Variants in STOX2 observed in about 807,000 individuals in gnomAD.
The protein encoded by STOX2 is storkhead box 2.
A neutral mutation model predicts 60.9 loss-of-function variants in STOX2; 28 were observed. That is an observed-to-expected ratio of 0.46 (90% CI 0.34 to 0.63). STOX2 has a LOEUF of 0.63. Ranked by LOEUF, STOX2 falls within the 30% of genes least tolerant of loss-of-function variation. The pLI is 0.01. For synonymous variants in STOX2, 472 were observed against 463.9 expected, an observed-to-expected ratio of 1.02 and a Z score of -0.22; for missense variants, 1,024 against 1,187.7, an observed-to-expected ratio of 0.86 and a Z score of 2.03.
Position 184,012,890 on chromosome 4 carries a change from T to C in STOX2, c.2585+1467T>C, listed in dbSNP as rs1038951894. 1.2e-4 allele frequency among the ~76,000 whole-genome samples: 18 copies of C among 152,248 alleles called. 1 individual carries two copies. In the East Asian group the frequency reaches 1.5e-3, roughly 13 times the overall value. ...GATTTATTTTAACTATCCTTTTTTT[T>C]CTTCATTTTCCTGTTCTACTCTTTT... On this transcript the variant is annotated intron_variant, in intron 3 of 3. Coordinates refer to ENST00000308497, the MANE Select transcript of STOX2 (RefSeq NM_020225.3).
At position 184,009,048 on chromosome 4, in the gene STOX2, A is replaced by AG; in HGVS notation, c.320-109dup. The AG allele has an allele frequency of 1.2e-6, 1 of 841,170 alleles. No homozygotes were observed. The highest frequency in any genetic ancestry group is 1.8e-6 in the Non-Finnish European group (1 of 547,064). The allele number at this position is 841,170 out of a possible 1,614,324, so 52.1% of individuals were successfully genotyped here. On this transcript the variant is annotated intron_variant, in intron 2 of 3. Transcript: ENST00000308497. This position sits in a 1 kb window ranked among gnomAD's most constrained non-coding sequence, Gnocchi z 4.0. ...CACCTTTGTCTGAATTGTGCATCCT[A>AG]GCTCTGTGATGGTACTTCGCATCTT...
chr4:183,860,701 A>G (rs554972961), intron 1 of STOX2, among the ~76,000 whole-genome samples: 1 of 152,346 alleles, frequency 6.6e-6, no homozygotes, highest in East Asian at 1.9e-4. Flanking sequence ...CTTCAAAGGT[A>G]AGACAAAAGG....
intron 1 of STOX2, among the ~76,000 whole-genome samples, chr4:183,968,500 A>G (rs1303005722): frequency 6.6e-6 from 1 of 152,160 alleles, no homozygotes; most frequent in Non-Finnish European, 1.5e-5. Context: ...TTGTCCACAC[A>G]AGCACAAACA....
intron 1 of STOX2, among the ~76,000 whole-genome samples, chr4:183,805,865 T>C (rs1488525065): frequency 6.6e-6 from 1 of 152,176 alleles, no homozygotes; most frequent in Non-Finnish European, 1.5e-5. Flanking sequence ...ATGAGCTGGC[T>C]TAAACAGCTC....
intron 1 of STOX2, among the ~76,000 whole-genome samples, chr4:183,999,067 C>CA (rs1733470959): frequency 6.6e-6 from 1 of 151,844 alleles, no homozygotes; most frequent in Non-Finnish European, 1.5e-5. Flanking sequence ...AACAAAAAAA[C>CA]AAAAACAAAT....
intron 1 of STOX2, among the ~76,000 whole-genome samples, chr4:183,914,330 C>G (rs910986162): frequency 6.6e-6 from 1 of 152,228 alleles, no homozygotes; most frequent in Middle Eastern, 3.4e-3. Flanking sequence ...CCCAGCTACT[C>G]GGGAGGCTGA....
At chr4:183,978,290 G>A (rs1011254252) in intron 1 of STOX2, among the ~76,000 whole-genome samples, 16 of 152,078 alleles carry the variant, frequency 1.1e-4, no homozygotes, top group Admixed American at 1.3e-4. Context: ...GAGTGGGATA[G>A]GAGTCCAATT....
intron 1 of STOX2, among the ~76,000 whole-genome samples, chr4:183,980,901 A>C (rs1732638082): frequency 6.6e-6 from 1 of 152,108 alleles, no homozygotes; most frequent in Admixed American, 6.6e-5. Context: ...AGAGAGGATA[A>C]CTCAGTTCTA....
chr4:183,955,498 G>T (rs1053291971), intron 1 of STOX2, among the ~76,000 whole-genome samples: 34 of 152,150 alleles, frequency 2.2e-4, no homozygotes, highest in African/African-American at 8.0e-4. Flanking sequence ...TGTTCTTGGA[G>T]ACTTAGCTTT....
chr4:183,884,703 G>A (rs758618227), intron 1 of STOX2, among the ~76,000 whole-genome samples: 4 of 152,138 alleles, frequency 2.6e-5, no homozygotes, highest in Non-Finnish European at 4.4e-5. Context: ...TTAGGCTGGC[G>A]TGACATTTTG....
At chr4:183,835,600 G>T (rs1039602700) in intron 1 of STOX2, among the ~76,000 whole-genome samples, 6 of 152,138 alleles carry the variant, frequency 3.9e-5, no homozygotes, top group African/African-American at 1.4e-4. Context: ...ATTAATGTCT[G>T]TCTGTTTTCA....
intron 1 of STOX2, among the ~76,000 whole-genome samples, chr4:183,960,718 G>A (rs1743387840): frequency 6.6e-6 from 1 of 152,224 alleles, no homozygotes; most frequent in African/African-American, 2.4e-5. Context: ...AAAGGGGGAT[G>A]TAAAGAGTGT....
chr4:183,807,230 C>T (rs1265085958), intron 1 of STOX2, among the ~76,000 whole-genome samples: 1 of 152,196 alleles, frequency 6.6e-6, no homozygotes, highest in Non-Finnish European at 1.5e-5. Flanking sequence ...TCTTGGCCTC[C>T]CAAAGTGCTG....
At chr4:183,994,204 G>T (rs1049764115) in intron 1 of STOX2, among the ~76,000 whole-genome samples, 1 of 152,162 alleles carries the variant, frequency 6.6e-6, no homozygotes, top group Non-Finnish European at 1.5e-5. Context: ...GAGTTGTGTT[G>T]TCCCCATGCC....
At chr4:183,928,767 T>G (rs1742318584) in intron 1 of STOX2, among the ~76,000 whole-genome samples, 1 of 151,482 alleles carries the variant, frequency 6.6e-6, no homozygotes, top group Non-Finnish European at 1.5e-5. Flanking sequence ...ATCACACCAC[T>G]GCACTCTCCA....
At chr4:183,981,813 G>A (rs1732667018) in intron 1 of STOX2, among the ~76,000 whole-genome samples, 1 of 152,202 alleles carries the variant, frequency 6.6e-6, no homozygotes, top group African/African-American at 2.4e-5. Flanking sequence ...GCTGACGTCT[G>A]TAATCGCAGC....
At chr4:183,910,729 C>T (rs1275192734) in intron 1 of STOX2, among the ~76,000 whole-genome samples, 9 of 152,066 alleles carry the variant, frequency 5.9e-5, no homozygotes, top group African/African-American at 1.7e-4. Context: ...AGGAGTAAAG[C>T]GTGCGTTTTT....
chr4:183,927,964 C>T (rs1002290092), intron 1 of STOX2, among the ~76,000 whole-genome samples: 5 of 152,152 alleles, frequency 3.3e-5, no homozygotes, highest in African/African-American at 9.7e-5. Flanking sequence ...TTGCTGTGGT[C>T]GGATGGTCTT....
chr4:183,920,784 T>A (rs1198355254), intron 1 of STOX2, among the ~76,000 whole-genome samples: 3 of 152,266 alleles, frequency 2.0e-5, no homozygotes, highest in Non-Finnish European at 4.4e-5. Flanking sequence ...AGCTCCTTAG[T>A]CGTCTTAATT....
Sources: allele counts gnomAD v4.1 joint callset (sites outside exome capture counted in the v4.1 genomes callset), GRCh38; gene constraint gnomAD v4.1.1; non-coding constraint Gnocchi (gnomAD v3.1); transcripts MANE v1.5; gene names NCBI Gene and HGNC (gene_info 2026-07-23, HGNC 2026-07-21).